UGT1A8: variants seen among roughly 807,000 people sequenced by gnomAD.
The protein encoded by UGT1A8 is UDP glucuronosyltransferase family 1 member A8, also known as UDP-glucuronosyltransferase 1A8.
UGT1A8 carries 39 observed loss-of-function variants against 45.3 expected under a neutral mutation model. The observed-to-expected ratio is 0.86, with a 90% CI of 0.67 to 1.12. The LOEUF is 1.12. UGT1A8 is among the 50% of genes most tolerant of loss of function. UGT1A8 has a pLI of 0.00. For synonymous variants in UGT1A8, 275 were observed against 249.2 expected, an observed-to-expected ratio of 1.10 and a Z score of -0.97; for missense variants, 719 against 664.9, an observed-to-expected ratio of 1.08 and a Z score of -0.90.
chr2:233,750,771 C>T (rs2125907104), intron 1 of UGT1A8: 1 of 151,994 alleles, frequency 6.6e-6, no homozygotes, highest in East Asian at 1.9e-4. Context: ...TGGTGTTGGG[C>T]CTGTGGGTAC....
Position 233,772,456 on chromosome 2 carries a change from T to G in UGT1A8, c.1490T>G (p.Leu497Arg). The G allele has an allele frequency of 6.2e-7, 1 of 1,614,218 alleles. No individual in the cohort carries two copies. ...DVIGFLLAVV[L>R]TVAFITFKCC... ...ATTGGTTTCCTCTTGGCCGTCGTGC[T>G]GACAGTGGCCTTCATCACCTTTAAA... Residue 497 changes from leucine to arginine, a missense_variant, in exon 5 of 5, where the codon CTG becomes CGG. Physicochemically the swap from Leu to Arg is moderately radical, Grantham distance 102. Transcript: ENST00000373450.
At chr2:233,730,740 A>G (rs1421487405) in intron 1 of UGT1A8, among the ~76,000 whole-genome samples, 1 of 152,154 alleles carries the variant, frequency 6.6e-6, no homozygotes, top group East Asian at 1.9e-4. Context: ...GGAAGGGGCT[A>G]GGGAGGAGAT....
intron 1 of UGT1A8, chr2:233,693,062 CT>C (rs752839721): frequency 1.2e-6 from 2 of 1,614,140 alleles, no homozygotes; most frequent in Admixed American, 3.3e-5. Flanking sequence ...CTTCTTAGCA[CT>C]TTGGGGCATG....
At chr2:233,728,384 G>T (rs533416663) in intron 1 of UGT1A8, among the ~76,000 whole-genome samples, 3 of 152,276 alleles carry the variant, frequency 2.0e-5, no homozygotes, top group Admixed American at 1.3e-4. Flanking sequence ...TCTTTGCTAG[G>T]GTTGTCTTGC....
intron 1 of UGT1A8, chr2:233,648,809 A>C: frequency 1.0e-6 from 1 of 981,104 alleles, no homozygotes; most frequent in Non-Finnish European, 1.5e-6. Flanking sequence ...CACATCTTCT[A>C]CTTAGAGGAG....
At chr2:233,661,992 G>T (rs2073980623) in intron 1 of UGT1A8, among the ~76,000 whole-genome samples, 1 of 151,924 alleles carries the variant, frequency 6.6e-6, no homozygotes, top group South Asian at 2.1e-4. Flanking sequence ...AGCCTCACAC[G>T]GCGTACTGAG....
chr2:233,676,926 T>C (rs1348935488), intron 1 of UGT1A8, among the ~76,000 whole-genome samples: 1 of 152,230 alleles, frequency 6.6e-6, no homozygotes, highest in Non-Finnish European at 1.5e-5. Context: ...TTCTGTTCTG[T>C]TGATCTATTT....
At position 233,664,249 on chromosome 2, in the gene UGT1A8, CA is replaced by C. The variant is rs1345907780; in HGVS notation, c.855+45689del. 3.8e-4 allele frequency among the ~76,000 whole-genome samples: 58 copies of C among 152,264 alleles called. 2 individuals are homozygous for C. In the South Asian group the frequency reaches 4.2e-3, roughly 11 times the overall value. ...CATTTAACCAGTCTCTAAGAAGGTC[CA>C]AGCTTTCCTTCATCTTCCTGTCTTC... On this transcript the variant is annotated intron_variant, in intron 1 of 4. Coordinates refer to ENST00000373450, the MANE Select transcript of UGT1A8 (RefSeq NM_019076.5).
Position 233,687,966 on chromosome 2 carries a change from C to G in UGT1A8, c.855+69404C>G, listed in dbSNP as rs78170888. Among the ~76,000 whole-genome samples, 183 of 152,286 alleles carry G rather than the reference C, an allele frequency of 1.2e-3. 6 individuals carry two copies. In the East Asian group the frequency reaches 0.027, roughly 22 times the overall value. On this transcript the variant is annotated intron_variant, in intron 1 of 4. Coordinates refer to ENST00000373450, the MANE Select transcript of UGT1A8 (RefSeq NM_019076.5). ...AAAATTTAAAAATTGATATGTAATTCATGTATCGTAAAATTCAGTGGTTTT... is the reference window on the plus strand; with the variant it reads ...AAAATTTAAAAATTGATATGTAATTGATGTATCGTAAAATTCAGTGGTTTT...
chr2:233,618,672 C>T (rs2072946783), intron 1 of UGT1A8, 110 bp downstream of exon 1: 1 of 1,511,302 alleles, frequency 6.6e-7, no homozygotes, highest in Non-Finnish European at 8.8e-7. Context: ...TTTCAAATTT[C>T]TTTCCAGTTT....
At chr2:233,747,272 T>G (rs1693606850) in intron 1 of UGT1A8, 7 of 1,598,964 alleles carry the variant, frequency 4.4e-6, no homozygotes, top group Non-Finnish European at 6.0e-6. Context: ...CTACTCCTTC[T>G]CAGTGCCCAG....
intron 1 of UGT1A8, among the ~76,000 whole-genome samples, chr2:233,748,399 G>T (rs1575689614): frequency 6.6e-6 from 1 of 151,790 alleles, no homozygotes; most frequent in East Asian, 1.9e-4. Context: ...AAGGAGCAGG[G>T]ACACTACATT....
intron 1 of UGT1A8, among the ~76,000 whole-genome samples, chr2:233,749,630 C>T (rs1185419016): frequency 6.6e-6 from 1 of 151,806 alleles, no homozygotes. Context: ...CTCTGTATCC[C>T]CCACCAAATC....
intron 1 of UGT1A8, chr2:233,743,500 G>C (rs1692320466): frequency 7.3e-7 from 1 of 1,366,958 alleles, no homozygotes; most frequent in African/African-American, 1.5e-5. Flanking sequence ...AGAGAAAAGG[G>C]GTGCAGACGC....
chr2:233,641,827 G>A (rs2073460942), intron 1 of UGT1A8, among the ~76,000 whole-genome samples: 2 of 152,004 alleles, frequency 1.3e-5, no homozygotes. Flanking sequence ...AATATGTCAT[G>A]CCACTCTCTC....
At chr2:233,632,774 C>A (rs967941969) in intron 1 of UGT1A8, among the ~76,000 whole-genome samples, 14 of 152,278 alleles carry the variant, frequency 9.2e-5, no homozygotes, top group African/African-American at 3.4e-4. Context: ...ATGTCATCTG[C>A]AAACAGAGAC....
At chr2:233,727,361 G>A (rs2077609181) in intron 1 of UGT1A8, among the ~76,000 whole-genome samples, 1 of 152,128 alleles carries the variant, frequency 6.6e-6, no homozygotes, top group Admixed American at 6.5e-5. Flanking sequence ...TATCCTTAGG[G>A]CCCCTAGGTC....
At chr2:233,628,971 A>G (rs2073140282) in intron 1 of UGT1A8, among the ~76,000 whole-genome samples, 1 of 152,136 alleles carries the variant, frequency 6.6e-6, no homozygotes, top group African/African-American at 2.4e-5. Flanking sequence ...AACACATAGC[A>G]TAAAATATAT....
At chr2:233,691,742 C>T in intron 1 of UGT1A8, 1 of 642,200 alleles carries the variant, frequency 1.6e-6, no homozygotes, top group South Asian at 6.9e-5. Flanking sequence ...AAGCAGATAC[C>T]AGGCTTTCTG....
Sources: gnomAD v4.1 joint callset for allele counts (sites outside exome capture counted in the v4.1 genomes callset) on GRCh38, gnomAD v4.1.1 for gene constraint, MANE v1.5 for transcripts, NCBI Gene and HGNC (gene_info 2026-07-23, HGNC 2026-07-21) for gene names.